SNRPN: variants seen among roughly 807,000 people sequenced by gnomAD.
SNRPN encodes the protein small nuclear ribonucleoprotein polypeptide N.
In SNRPN, 7 loss-of-function variants were observed where a neutral mutation model predicts 25.2. The observed-to-expected ratio is 0.28, with a 90% confidence interval of 0.16 to 0.52. The LOEUF is 0.52. SNRPN is among the 20% of genes least tolerant of loss of function. The pLI, the probability that SNRPN is intolerant of heterozygous loss-of-function variation, is 0.96. For missense variants in SNRPN, 196 were observed against 322.5 expected (o/e 0.61, Z 3.00); for synonymous variants, 124 against 110.6 (o/e 1.12, Z -0.76).
rs182618931 is a variant in SNRPN, at chr15:24,975,127, C to G, written c.4-231C>G. Among the ~76,000 whole-genome samples, 479 of 152,174 alleles carry G rather than the reference C, an allele frequency of 3.1e-3. 1 individual carries two copies. The highest frequency in any genetic ancestry group is 6.8e-3 in the Middle Eastern group (2 of 294). ...CATCGTCACAGAGAAGGATAATCAC[C>G]TGTAAGGAGGTGAAAATTGGTTCTT... On this transcript the variant is annotated intron_variant, in intron 4 of 9. Coordinates refer to ENST00000390687, the MANE Select transcript of SNRPN (RefSeq NM_003097.6).
chr15:24,927,899 G>T lies in SNRPN; in HGVS notation c.-391+7775G>T, dbSNP rs574616165. The stretch of plus-strand genomic sequence containing the variant: ...TCCATCTGAAGTGTTCTTAAGACTG[G>T]ATTCTACTGATGCTGTTTTGGTTGG... On this transcript the variant is annotated intron_variant, in intron 3 of 11. Transcript: ENST00000400097. Among the ~76,000 whole-genome samples the T allele has an allele frequency of 2.2e-4, 33 of 152,242 alleles. No individual in the cohort carries two copies. The East Asian group carries it at 6.0e-3, about 28-fold the overall frequency.
chr15:24,915,426 G>A (rs1338709723), intron 2 of SNRPN, among the ~76,000 whole-genome samples: 2 of 152,052 alleles, frequency 1.3e-5, no homozygotes, highest in Admixed American at 1.3e-4. Flanking sequence ...TTGCCCGGCC[G>A]AGAAGAGAGT....
intron 2 of SNRPN, among the ~76,000 whole-genome samples, chr15:24,965,451 C>A (rs184866274): frequency 6.6e-6 from 1 of 152,164 alleles, no homozygotes; most frequent in African/African-American, 2.4e-5. Context: ...GTGGAAGAAT[C>A]GCTTGAACCT....
chr15:24,909,625 A>G, intron 2 of SNRPN: 1 of 1,217,634 alleles, frequency 8.2e-7, no homozygotes, highest in Non-Finnish European at 1.2e-6. Context: ...CTATATGGGC[A>G]TAAGCAATCT....
At chr15:24,919,652 G>A (rs1595905344) in intron 2 of SNRPN, among the ~76,000 whole-genome samples, 1 of 152,252 alleles carries the variant, frequency 6.6e-6, no homozygotes, top group East Asian at 1.9e-4. Context: ...AGCCTAACAG[G>A]ATTTTTGCTG....
At chr15:24,925,525 C>G (rs1325669722) in intron 3 of SNRPN, among the ~76,000 whole-genome samples, 1 of 152,158 alleles carries the variant, frequency 6.6e-6, no homozygotes, top group Non-Finnish European at 1.5e-5. Context: ...CCTCTGCTCT[C>G]ATTTCTGCTG....
chr15:24,946,691 A>G (rs1028156804), intron 3 of SNRPN, among the ~76,000 whole-genome samples: 1 of 152,224 alleles, frequency 6.6e-6, no homozygotes, highest in Non-Finnish European at 1.5e-5. Flanking sequence ...GCTAGTCTCT[A>G]ACTCCAAGGC....
chr15:24,864,647 GT>G (rs35131413), intron 1 of SNRPN, among the ~76,000 whole-genome samples: 1 of 150,560 alleles, frequency 6.6e-6, no homozygotes. Flanking sequence ...CCTGGCCAAT[GT>G]TTTTTTTTGT....
At position 24,935,258 on chromosome 15, in the gene SNRPN, C is replaced by T. The variant is rs112428725; in HGVS notation, c.-391+15134C>T. 2.2e-3 allele frequency among the ~76,000 whole-genome samples: 329 copies of T among 149,842 alleles called. 1 individual carries two copies. The highest frequency in any genetic ancestry group is 7.8e-3 in the African/African-American group (309 of 39,854). ...CTACACTCCAGCATGGGCAACAGAG[C>T]GAGACTTTGTCTCCAAAAAAAAAAA... On this transcript the variant is annotated intron_variant, in intron 3 of 11. Coordinates refer to the SNRPN transcript ENST00000400097.
At chr15:24,977,130 C>T in intron 7 of SNRPN, 101 bp downstream of exon 7, 5 of 934,618 alleles carry the variant, frequency 5.3e-6, no homozygotes, top group Non-Finnish European at 7.7e-6. Context: ...ACAATGTAAA[C>T]AGCATATGGT....
At position 24,871,394 on chromosome 15, in the gene SNRPN, A is replaced by G. The variant is rs115054225; in HGVS notation, c.-579+14678A>G. On this transcript the variant is annotated intron_variant, in intron 1 of 11. Coordinates refer to the SNRPN transcript ENST00000400097. Reference sequence around the variant, plus strand: ...ATCTGTTTACTATCTCTATTATTTTACCTTTCCCAGGGTGTCATATACATG... The same window carrying G: ...ATCTGTTTACTATCTCTATTATTTTGCCTTTCCCAGGGTGTCATATACATG... 9.0e-3 allele frequency among the ~76,000 whole-genome samples: 1,360 copies of G among 151,840 alleles called. 29 individuals are homozygous for G. The highest frequency in any genetic ancestry group is 0.031 in the African/African-American group (1,279 of 41,446).
chr15:24,842,437 G>A (rs1180666586), intron 2 of SNRPN, among the ~76,000 whole-genome samples: 3 of 152,096 alleles, frequency 2.0e-5, no homozygotes, highest in Admixed American at 2.0e-4. Context: ...AGAAGCCTAG[G>A]CTCCATTCTG....
chr15:24,837,193 ACT>A (rs964416282), intron 2 of SNRPN, among the ~76,000 whole-genome samples: 31 of 152,072 alleles, frequency 2.0e-4, no homozygotes, highest in African/African-American at 7.0e-4. Context: ...TCCAAAGGTA[ACT>A]CTGGCGAAAA....
intron 3 of SNRPN, among the ~76,000 whole-genome samples, chr15:24,939,540 C>T (rs1158318057): frequency 6.6e-6 from 1 of 152,126 alleles, no homozygotes; most frequent in East Asian, 1.9e-4. Flanking sequence ...TCAAGCAATT[C>T]TCCTGCCTCA....
intron 2 of SNRPN, among the ~76,000 whole-genome samples, chr15:24,967,571 G>C (rs1433501480): frequency 6.6e-6 from 1 of 151,890 alleles, no homozygotes; most frequent in Non-Finnish European, 1.5e-5. Flanking sequence ...GAACCCAGGA[G>C]GCGGAGCTTG....
chr15:24,958,538 C>T (rs534313766), intron 1 of SNRPN, among the ~76,000 whole-genome samples: 6 of 120,054 alleles, frequency 5.0e-5, no homozygotes, highest in South Asian at 2.8e-4. Context: ...CCAGGGTCTC[C>T]CTATGTTGTC....
chr15:24,910,941 A>T lies in SNRPN; in HGVS notation c.-504-9070A>T, dbSNP rs546671804. 7.6e-6 allele frequency: 6 copies of T among 785,498 alleles called. No homozygotes were observed. The African/African-American group carries it at 8.6e-5, about 11-fold the overall frequency. The allele number at this position is 785,498 out of a possible 1,614,324, so 48.7% of individuals were successfully genotyped here. A position where few individuals can be genotyped will look rare whatever the true frequency, so the allele number is the denominator to read the frequency against. On this transcript the variant is annotated intron_variant, in intron 2 of 11. Coordinates refer to the SNRPN transcript ENST00000400097. ...TTTTCCTCCTGTAGGCTGGCAGAGG[A>T]AAGTGCAGCAGCCAACACCCAAAAC...
intron 1 of SNRPN, among the ~76,000 whole-genome samples, chr15:24,959,817 A>G (rs1403725494): frequency 2.0e-5 from 3 of 152,226 alleles, no homozygotes; most frequent in Non-Finnish European, 4.4e-5. Context: ...GGCTATTATG[A>G]ATAATGCTAC....
chr15:24,891,165 C>T (rs1024675071), intron 2 of SNRPN, among the ~76,000 whole-genome samples: 1 of 151,762 alleles, frequency 6.6e-6, no homozygotes, highest in Middle Eastern at 3.2e-3. Context: ...CCCGCCTTCG[C>T]CTCCTTAAAT....
Sources: allele counts gnomAD v4.1 joint callset (sites outside exome capture counted in the v4.1 genomes callset), GRCh38; gene constraint gnomAD v4.1.1; transcripts MANE v1.5; gene names NCBI Gene and HGNC (gene_info 2026-07-23, HGNC 2026-07-21).